Variants in PDE1B observed in about 807,000 individuals in gnomAD.
PDE1B encodes phosphodiesterase 1B, also known as dual specificity calcium/calmodulin-dependent 3',5'-cyclic nucleotide phosphodiesterase 1B.
Under a neutral mutation model 66.7 loss-of-function variants are expected in PDE1B, and 13 were observed. That is an observed-to-expected ratio of 0.19 (90% confidence interval 0.13 to 0.31). The LOEUF (loss-of-function observed/expected upper bound fraction) is 0.31, where lower values mean the gene tolerates loss of function less well. PDE1B is among the 10% of genes least tolerant of loss of function. The pLI is 1.00. For synonymous variants in PDE1B, 230 were observed against 253.9 expected (o/e 0.91, Z 0.90); for missense variants, 485 against 682.3 (o/e 0.71, Z 3.22).
intron 2 of PDE1B, 126 bp downstream of exon 2, chr12:54,550,111 G>A (rs1957253960): frequency 4.8e-6 from 7 of 1,459,496 alleles, no homozygotes; most frequent in African/African-American, 1.4e-5. Flanking sequence ...TGGCAGGTGC[G>A]AGGAAGCACG....
At position 54,573,324 on chromosome 12, in the gene PDE1B, G is replaced by A; in HGVS notation, c.837-31G>A. The A allele has an allele frequency of 6.2e-7, 1 of 1,614,044 alleles. No individual in the cohort carries two copies. Among genetic ancestry groups the A allele is most frequent in the Non-Finnish European group, 8.5e-7 (1 of 1,179,952 alleles). On this transcript the variant is annotated intron_variant, in intron 8 of 15. Transcript: ENST00000243052. The surrounding 1 kb of genome is among the most constrained non-coding windows in gnomAD (Gnocchi z 5.2). The stretch of plus-strand genomic sequence containing the variant: ...AGGTTGCCGGAGTCCCTCCTTACAG[G>A]GGGTGGTCATGATGACCTTTGGCTT...
chr12:54,565,538 A>G (rs555133593), intron 2 of PDE1B, among the ~76,000 whole-genome samples: 4 of 152,314 alleles, frequency 2.6e-5, no homozygotes, highest in Non-Finnish European at 5.9e-5. Flanking sequence ...GAGCTTTACT[A>G]AAATCATCCT....
At position 54,569,552 on chromosome 12, in the gene PDE1B, C is replaced by G. The variant is rs1957579672; in HGVS notation, c.417C>G (p.Phe139Leu). The G allele has an allele frequency of 6.2e-7, 1 of 1,612,798 alleles. No homozygotes were observed. Among genetic ancestry groups the G allele is most frequent in the Non-Finnish European group, 8.5e-7 (1 of 1,178,928 alleles). Residue 139 changes from phenylalanine (F) to leucine (L), a missense_variant, in exon 5 of 16, where the codon TTC (phenylalanine) becomes TTG (leucine). By Grantham distance (22) the Phe-to-Leu change is conservative (BLOSUM62 0). Coordinates refer to ENST00000243052, the MANE Select transcript of PDE1B (RefSeq NM_000924.4). This position sits in a 1 kb window ranked among gnomAD's most constrained non-coding sequence, Gnocchi z 4.4. ...TCTCATTGTTCTCTCTCAGGATGTTCCGGAGAACATACACCTCTGTGGGCC... is the reference window on the plus strand; with the variant it reads ...TCTCATTGTTCTCTCTCAGGATGTTGCGGAGAACATACACCTCTGTGGGCC... The part of the protein sequence containing the change: ...VQAGIFVERM[F>L]RRTYTSVGPT...
intron 2 of PDE1B, among the ~76,000 whole-genome samples, chr12:54,558,808 T>C (rs1957371502): frequency 6.6e-6 from 1 of 152,230 alleles, no homozygotes; most frequent in African/African-American, 2.4e-5. Context: ...GGACTTTGTT[T>C]ATGAATGACT....
chr12:54,563,861 A>T (rs1957465830), intron 2 of PDE1B, among the ~76,000 whole-genome samples: 1 of 152,124 alleles, frequency 6.6e-6, no homozygotes. Flanking sequence ...AAAAATGCAG[A>T]TTGGGTTGCG....
chr12:54,559,249 C>A (rs1957376362), intron 2 of PDE1B, among the ~76,000 whole-genome samples: 1 of 68,416 alleles, frequency 1.5e-5, no homozygotes. Flanking sequence ...CACCCCTTTA[C>A]CCCCACCCAC....
intron 2 of PDE1B, among the ~76,000 whole-genome samples, chr12:54,551,691 C>A (rs904521575): frequency 1.1e-4 from 16 of 152,164 alleles, no homozygotes; most frequent in African/African-American, 3.6e-4. Flanking sequence ...ATCTCCCACA[C>A]ATTTCTAACC....
At chr12:54,570,814 C>G (rs3782408) in intron 6 of PDE1B, 19,220 of 157,196 alleles carry the variant, frequency 0.12, 2,526 homozygotes, top group African/African-American at 0.33. Flanking sequence ...TGACAGGGCT[C>G]GGGGCGGGGG....
intron 2 of PDE1B, among the ~76,000 whole-genome samples, chr12:54,551,355 C>T (rs1957275400): frequency 6.6e-6 from 1 of 152,212 alleles, no homozygotes; most frequent in Non-Finnish European, 1.5e-5. Flanking sequence ...TCCTCCTTGG[C>T]TGCCTCTGGC....
intron 2 of PDE1B, among the ~76,000 whole-genome samples, chr12:54,554,766 A>G (rs902861716): frequency 1.3e-5 from 2 of 152,190 alleles, no homozygotes; most frequent in African/African-American, 4.8e-5. Context: ...TAACAATTAC[A>G]ACGGTGTAAT....
intron 6 of PDE1B, 140 bp downstream of exon 6, chr12:54,570,497 C>T: frequency 1.5e-6 from 1 of 649,324 alleles, no homozygotes; most frequent in South Asian, 1.8e-5. Context: ...TGCCCACGCC[C>T]AGCCTAGCCT....
intron 10 of PDE1B, 195 bp from the exon 11 acceptor site, chr12:54,574,903 T>C: frequency 2.4e-6 from 1 of 424,512 alleles, no homozygotes; most frequent in Non-Finnish European, 4.2e-6. Context: ...TGAACCCAGG[T>C]GACAGAGGTT....
intron 2 of PDE1B, 141 bp from the exon 3 acceptor site, chr12:54,566,833 C>T (rs1957524019): frequency 2.1e-6 from 1 of 469,566 alleles, no homozygotes; most frequent in Non-Finnish European, 3.8e-6. Flanking sequence ...ACATTAGCTG[C>T]TATTATTATT....
intron 2 of PDE1B, among the ~76,000 whole-genome samples, chr12:54,565,235 G>A (rs1682504116): frequency 6.6e-6 from 1 of 152,184 alleles, no homozygotes; most frequent in African/African-American, 2.4e-5. Flanking sequence ...GGCTGGGGTG[G>A]GAATCTGGGG....
intron 13 of PDE1B, 37 bp from the exon 14 acceptor site, chr12:54,576,534 G>A: frequency 6.2e-7 from 1 of 1,613,484 alleles, no homozygotes; most frequent in Non-Finnish European, 8.5e-7. Context: ...GTGGGCTGGG[G>A]CTTACCTCTT....
At chr12:54,561,341 C>A in intron 2 of PDE1B, 1 of 514,118 alleles carries the variant, frequency 1.9e-6, no homozygotes, top group South Asian at 5.4e-5. Flanking sequence ...CCGTCTGATT[C>A]AGATGTGAAA....
At chr12:54,567,196 AAG>A in intron 3 of PDE1B, 109 bp downstream of exon 3, 1 of 599,168 alleles carries the variant, frequency 1.7e-6, no homozygotes, top group Non-Finnish European at 3.0e-6. Flanking sequence ...GACCGGAAGA[AAG>A]AGAGAGGGTG....
In PDE1B at chr12:54,576,837, A is replaced by G; in HGVS notation, c.1507+136A>G. ...ATTTGGGAGTGGAGCTGATCAGACC[A>G]GTTAGATCACAGGAAAGACTGGCTG... On this transcript the variant is annotated intron_variant, in intron 14 of 15. Coordinates refer to ENST00000243052, the MANE Select transcript of PDE1B (RefSeq NM_000924.4). 3.4e-6 allele frequency: 3 copies of G among 881,646 alleles called. No individual in the cohort carries two copies. In the East Asian group the frequency reaches 8.0e-5, roughly 23 times the overall value. The allele number at this position is 881,646 out of a possible 1,614,324, so 54.6% of individuals were successfully genotyped here.
At chr12:54,554,581 C>G (rs560130105) in intron 2 of PDE1B, among the ~76,000 whole-genome samples, 64 of 152,196 alleles carry the variant, frequency 4.2e-4, no homozygotes, top group African/African-American at 1.5e-3. Context: ...AAATTCCTGC[C>G]TTAAGTTGAA....
Sources: allele counts gnomAD v4.1 joint callset (sites outside exome capture counted in the v4.1 genomes callset), GRCh38; gene constraint gnomAD v4.1.1; non-coding constraint Gnocchi (gnomAD v3.1); transcripts MANE v1.5; gene names NCBI Gene and HGNC (gene_info 2026-07-23, HGNC 2026-07-21).